The following ANKRD11 variants were observed in gnomAD, a reference collection of about 807,000 sequenced individuals.
ANKRD11 encodes the protein ankyrin repeat domain 11.
A neutral mutation model predicts 195.7 loss-of-function variants in ANKRD11; 17 were observed. The observed-to-expected ratio is 0.09, with a 90% CI of 0.06 to 0.13. The LOEUF is 0.13. Ranked by LOEUF, ANKRD11 falls within the 10% of genes least tolerant of loss-of-function variation. The pLI is 1.00. For missense variants in ANKRD11, 3,735 were observed against 3,566.1 expected (o/e 1.05, Z -1.21); for synonymous variants, 1,953 against 1,528.1 (o/e 1.28, Z -6.49).
rs540086734 is a variant in ANKRD11, at chr16:89,286,581, G to T, written c.745-395C>A. ...AGCAGAGTGGTGCCGGAGTGGTCGT[G>T]GAGGGCTCAGGCAAGAGGTTAGGGA... On this transcript the variant is annotated intron_variant, in intron 7 of 12. Transcript: ENST00000301030. 5 of 1,003,348 alleles carry T rather than the reference G, an allele frequency of 5.0e-6. No individual in the cohort carries two copies. In the East Asian group the frequency reaches 2.4e-4, roughly 48 times the overall value. 62.2% of individuals were successfully genotyped at this position (1,003,348 alleles called of 1,614,324 possible). A position where few individuals can be genotyped will look rare whatever the true frequency, so the allele number is the denominator to read the frequency against.
At chr16:89,331,877 C>T (rs1203037791) in intron 2 of ANKRD11, among the ~76,000 whole-genome samples, 1 of 152,106 alleles carries the variant, frequency 6.6e-6, no homozygotes, top group African/African-American at 2.4e-5. Flanking sequence ...GGGTTTGGTT[C>T]CGGGTTAACG....
intron 2 of ANKRD11, among the ~76,000 whole-genome samples, chr16:89,361,882 G>A (rs1384969443): frequency 2.0e-5 from 3 of 152,168 alleles, no homozygotes; most frequent in African/African-American, 7.2e-5. Flanking sequence ...CTTCAAAACA[G>A]CATGCCTGTC....
intron 2 of ANKRD11, among the ~76,000 whole-genome samples, chr16:89,346,376 G>A (rs532964917): frequency 2.6e-5 from 4 of 151,990 alleles, no homozygotes; most frequent in African/African-American, 9.7e-5. Context: ...CTACAAGACA[G>A]AAGATCTGAA....
intron 2 of ANKRD11, among the ~76,000 whole-genome samples, chr16:89,353,895 C>T (rs1162803866): frequency 1.3e-5 from 2 of 152,246 alleles, no homozygotes; most frequent in Non-Finnish European, 2.9e-5. Context: ...TGCAGCCTCT[C>T]ATGCAGGGAG....
chr16:89,394,318 G>T (rs968677900), intron 2 of ANKRD11, among the ~76,000 whole-genome samples: 1 of 152,174 alleles, frequency 6.6e-6, no homozygotes, highest in Non-Finnish European at 1.5e-5. Flanking sequence ...CACTCATCAG[G>T]AAACTTCTCA....
intron 11 of ANKRD11, among the ~76,000 whole-genome samples, chr16:89,274,488 C>A (rs1255410469): frequency 1.3e-5 from 2 of 152,140 alleles, no homozygotes; most frequent in Non-Finnish European, 2.9e-5. Context: ...GAAAATAATG[C>A]CAGCGCTGAC....
intron 11 of ANKRD11, chr16:89,272,361 G>C (rs898034820): frequency 8.5e-5 from 13 of 152,324 alleles, no homozygotes; most frequent in Admixed American, 5.2e-4. Context: ...TAAAAATTGA[G>C]CTACCATAGG....
At chr16:89,413,682 C>A (rs1307413713) in intron 2 of ANKRD11, among the ~76,000 whole-genome samples, 1 of 152,158 alleles carries the variant, frequency 6.6e-6, no homozygotes, top group African/African-American at 2.4e-5. Flanking sequence ...AAATCCCTTA[C>A]AGACCTGCAA....
At chr16:89,305,107 C>T (rs1172382969) in intron 4 of ANKRD11, 99 bp downstream of exon 4, 2 of 1,533,142 alleles carry the variant, frequency 1.3e-6, no homozygotes, top group Non-Finnish European at 1.8e-6. Flanking sequence ...GAGTGCGTCC[C>T]AGTGCAAAGC....
intron 1 of ANKRD11, among the ~76,000 whole-genome samples, chr16:89,434,189 G>A (rs1037262814): frequency 6.6e-6 from 1 of 152,114 alleles, no homozygotes; most frequent in Admixed American, 6.5e-5. Flanking sequence ...CACCCATGGT[G>A]CACCCTACAC....
At chr16:89,288,473 G>A (rs758894976) in intron 7 of ANKRD11, 55 bp downstream of exon 7, 7 of 1,613,400 alleles carry the variant, frequency 4.3e-6, no homozygotes, top group East Asian at 4.5e-5. Flanking sequence ...CAAAGCTACA[G>A]AACCACCCAG....
rs1034629067 is a variant in ANKRD11, at chr16:89,391,560, G to A, written c.-60+26724C>T. Among the ~76,000 whole-genome samples the A allele has an allele frequency of 2.8e-4, 42 of 152,162 alleles. 1 individual carries two copies. Among genetic ancestry groups the A allele is most frequent in the South Asian group, 1.0e-3 (5 of 4,832 alleles). On this transcript the variant is annotated intron_variant, in intron 2 of 12. Coordinates refer to ENST00000301030, the MANE Select transcript of ANKRD11 (RefSeq NM_013275.6). ...ACTGTCGCTGTGGCATGAGAGCAAA[G>A]GAAAAATCTGAGTTTTCCCCCTCAG... is the stretch of plus-strand genomic sequence containing the variant.
intron 7 of ANKRD11, chr16:89,287,266 C>T (rs2034712661): frequency 2.5e-6 from 1 of 394,846 alleles, no homozygotes; most frequent in Non-Finnish European, 4.6e-6. Flanking sequence ...TGGCATCTCT[C>T]AGACTCAGCA....
intron 2 of ANKRD11, among the ~76,000 whole-genome samples, chr16:89,394,622 C>CT (rs1218019264): frequency 4.0e-5 from 5 of 125,364 alleles, no homozygotes; most frequent in African/African-American, 9.0e-5. Flanking sequence ...AAGCAAAACT[C>CT]TGTCTCCAAA....
intron 9 of ANKRD11, among the ~76,000 whole-genome samples, chr16:89,277,203 T>C (rs1008005870): frequency 6.6e-6 from 1 of 152,122 alleles, no homozygotes; most frequent in Non-Finnish European, 1.5e-5. Flanking sequence ...GTGGCAGGGA[T>C]TCTGTGGGCC....
At chr16:89,436,191 G>A (rs2043209602) in intron 1 of ANKRD11, among the ~76,000 whole-genome samples, 1 of 152,104 alleles carries the variant, frequency 6.6e-6, no homozygotes, top group African/African-American at 2.4e-5. Context: ...GAGATGGGTG[G>A]ATCACCTGAG....
chr16:89,379,434 C>G (rs1358888954), intron 2 of ANKRD11, among the ~76,000 whole-genome samples: 1 of 152,240 alleles, frequency 6.6e-6, no homozygotes, highest in Non-Finnish European at 1.5e-5. Flanking sequence ...CTGCTCCACA[C>G]CCTGTCAGGG....
intron 2 of ANKRD11, among the ~76,000 whole-genome samples, chr16:89,325,633 TG>T (rs2037668176): frequency 6.6e-6 from 1 of 152,182 alleles, no homozygotes; most frequent in African/African-American, 2.4e-5. Context: ...CGGATGGAAT[TG>T]GAAGGGACGG....
rs2035045340 is a variant in ANKRD11 at position 89,291,257 on chromosome 16, A to C, written c.227-74T>G. The C allele has an allele frequency of 3.8e-6, 6 of 1,567,654 alleles. No homozygotes were observed. Among genetic ancestry groups the C allele is most frequent in the Non-Finnish European group, 4.3e-6 (5 of 1,151,642 alleles). Reference sequence around the variant, plus strand: ...GTCCTCCAAAGCTAGGTCCTTACCTAATGTTACGGAGCCCCCTGCGTCCAC... The same window carrying C: ...GTCCTCCAAAGCTAGGTCCTTACCTCATGTTACGGAGCCCCCTGCGTCCAC... On this transcript the variant is annotated intron_variant, in intron 4 of 12. Transcript: ENST00000301030. The surrounding 1 kb of genome is among the most constrained non-coding windows in gnomAD (Gnocchi z 5.3).
Sources: gnomAD v4.1 joint callset for allele counts (sites outside exome capture counted in the v4.1 genomes callset) on GRCh38, gnomAD v4.1.1 for gene constraint, Gnocchi (gnomAD v3.1) non-coding constraint, MANE v1.5 for transcripts, NCBI Gene and HGNC (gene_info 2026-07-23, HGNC 2026-07-21) for gene names.